The following ZNF423 variants were observed in gnomAD, a reference collection of about 807,000 sequenced individuals.
ZNF423 encodes Ebf-associated zinc finger protein.
A neutral mutation model predicts 95.8 loss-of-function variants in ZNF423; 12 were observed. The observed-to-expected ratio is 0.13, with a 90% CI of 0.08 to 0.20. The LOEUF is 0.20. Ranked by LOEUF, ZNF423 falls within the 10% of genes least tolerant of loss-of-function variation. ZNF423 has a pLI of 1.00. For synonymous variants in ZNF423, 749 were observed against 711.9 expected (o/e 1.05, Z -0.83); for missense variants, 1,316 against 1,737.1 (o/e 0.76, Z 4.31).
chr16:49,839,995 G>A (rs1231443545), intron 1 of ZNF423, among the ~76,000 whole-genome samples: 1 of 152,184 alleles, frequency 6.6e-6, no homozygotes, highest in Non-Finnish European at 1.5e-5. Context: ...CACTCAACTA[G>A]AATAAACCTG....
At chr16:49,556,947 G>C (rs72793522) in intron 5 of ZNF423, among the ~76,000 whole-genome samples, 26,053 of 152,054 alleles carry the variant, frequency 0.17, 2,726 homozygotes, top group East Asian at 0.29. Context: ...TAAAAATATT[G>C]GTGGGAGAAG....
intron 7 of ZNF423, among the ~76,000 whole-genome samples, chr16:49,507,319 A>G (rs1281660759): frequency 6.6e-6 from 1 of 151,490 alleles, no homozygotes; most frequent in Non-Finnish European, 1.5e-5. Flanking sequence ...TTTTTGGTAG[A>G]TACGGGGTCT....
intron 3 of ZNF423, among the ~76,000 whole-genome samples, chr16:49,715,852 G>A (rs1182559350): frequency 6.6e-6 from 1 of 151,722 alleles, no homozygotes; most frequent in African/African-American, 2.4e-5. Flanking sequence ...AACCTGGGCA[G>A]CATAGAGAGA....
chr16:49,541,764 T>G (rs532254016), intron 5 of ZNF423, among the ~76,000 whole-genome samples: 3 of 152,196 alleles, frequency 2.0e-5, no homozygotes, highest in South Asian at 2.1e-4. Context: ...TCTCACGAGA[T>G]CTGATGGTTT....
chr16:49,744,755 A>G (rs1393694498), intron 2 of ZNF423, among the ~76,000 whole-genome samples: 1 of 152,196 alleles, frequency 6.6e-6, no homozygotes, highest in Non-Finnish European at 1.5e-5. Flanking sequence ...GACCCACCCC[A>G]GGGACCTGGC....
chr16:49,497,232 T>TATCC lies in ZNF423; in HGVS notation c.3850-5932_3850-5929dup, dbSNP rs773217573. On this transcript the variant is annotated intron_variant, in intron 7 of 7. Transcript: ENST00000563137. The stretch of plus-strand genomic sequence containing the variant: ...CCATCCATCCGCCCATCTATTCATC[T>TATCC]ATCCATCCATCCATCCATGCATACA... 5.3e-5 allele frequency among the ~76,000 whole-genome samples: 8 copies of TATCC among 151,782 alleles called. No homozygotes were observed. In the East Asian group the frequency reaches 5.8e-4, roughly 11 times the overall value.
intron 7 of ZNF423, among the ~76,000 whole-genome samples, chr16:49,512,571 G>T (rs1383363674): frequency 2.6e-5 from 4 of 152,352 alleles, no homozygotes; most frequent in Non-Finnish European, 5.9e-5. Context: ...ACATTCAGTA[G>T]AATTCAGGCT....
chr16:49,585,496 T>C (rs1190946099), intron 5 of ZNF423, among the ~76,000 whole-genome samples: 2 of 152,224 alleles, frequency 1.3e-5, no homozygotes, highest in African/African-American at 2.4e-5. Flanking sequence ...TTTAGTTGCA[T>C]GCATTTTGAA....
At chr16:49,508,690 G>A (rs567839087) in intron 7 of ZNF423, among the ~76,000 whole-genome samples, 8 of 152,164 alleles carry the variant, frequency 5.3e-5, no homozygotes, top group South Asian at 2.1e-4. Context: ...AGGAGAGACC[G>A]GGTTAGATTG....
In ZNF423 at chr16:49,730,833, C is replaced by G; in HGVS notation, c.239G>C (p.Cys80Ser). Reference sequence around the variant, plus strand: ...TGCCAGAGACTCGAAGTCCTGCTGACAGTGATCGCAGGTGTAAATTGATTC... The same window carrying G: ...TGCCAGAGACTCGAAGTCCTGCTGAGAGTGATCGCAGGTGTAAATTGATTC... ...EDESIYTCDHCQQDFESLADL... is the reference protein window; with the variant it reads ...EDESIYTCDHSQQDFESLADL... Residue 80 changes from cysteine to serine, a missense_variant, in exon 3 of 8, where the codon TGT becomes TCT. Coordinates refer to ENST00000563137, the MANE Select transcript of ZNF423 (RefSeq NM_001379286.1). 1 of 1,614,216 alleles carries G rather than the reference C, an allele frequency of 6.2e-7. No individual in the cohort carries two copies. Among genetic ancestry groups the G allele is most frequent in the Non-Finnish European group, 8.5e-7 (1 of 1,180,038 alleles).
At chr16:49,703,993 C>T (rs76122653) in intron 3 of ZNF423, among the ~76,000 whole-genome samples, 5 of 152,178 alleles carry the variant, frequency 3.3e-5, no homozygotes, top group Admixed American at 6.5e-5. Context: ...AAGTCTACCC[C>T]AGTAGACTCC....
rs552370505 is a variant in ZNF423, at chr16:49,772,081, T to G, written c.100+17406A>C. Among the ~76,000 whole-genome samples the G allele has an allele frequency of 1.2e-3, 187 of 152,314 alleles. 1 individual carries two copies. The highest frequency in any genetic ancestry group is 2.4e-3 in the Non-Finnish European group (166 of 68,022). On this transcript the variant is annotated intron_variant, in intron 2 of 7. Transcript: ENST00000563137. The stretch of plus-strand genomic sequence containing the variant: ...TGGAAACATCCCACCCTGTGTCATC[T>G]GCAAGCTGGAAGCCCAGGAAAGCCG...
At chr16:49,680,122 A>T (rs1005057933) in intron 3 of ZNF423, among the ~76,000 whole-genome samples, 2 of 152,064 alleles carry the variant, frequency 1.3e-5, no homozygotes, top group Non-Finnish European at 1.5e-5. Context: ...AGAACTAGAC[A>T]CTCATGGGGA....
At chr16:49,558,941 C>A (rs1969929868) in intron 5 of ZNF423, among the ~76,000 whole-genome samples, 1 of 152,218 alleles carries the variant, frequency 6.6e-6, no homozygotes, top group Admixed American at 6.5e-5. Flanking sequence ...CAGAACCACT[C>A]AGTAAGGGGG....
chr16:49,560,101 A>G (rs890458590), intron 5 of ZNF423, among the ~76,000 whole-genome samples: 2 of 152,142 alleles, frequency 1.3e-5, no homozygotes, highest in East Asian at 3.9e-4. Context: ...GCTATCTCAC[A>G]AGCAGCAGGT....
intron 5 of ZNF423, among the ~76,000 whole-genome samples, chr16:49,586,988 T>C (rs376867493): frequency 6.6e-6 from 1 of 151,960 alleles, no homozygotes; most frequent in Non-Finnish European, 1.5e-5. Context: ...CAATGTCTCG[T>C]TGGTTTTGAT....
At chr16:49,832,196 C>T (rs1567364036) in intron 1 of ZNF423, among the ~76,000 whole-genome samples, 2 of 152,190 alleles carry the variant, frequency 1.3e-5, no homozygotes, top group African/African-American at 4.8e-5. Context: ...AAACCATTCC[C>T]TTAATGGACA....
At chr16:49,569,728 C>T (rs558636610) in intron 5 of ZNF423, among the ~76,000 whole-genome samples, 2 of 151,908 alleles carry the variant, frequency 1.3e-5, no homozygotes, top group South Asian at 4.2e-4. Flanking sequence ...GTGGAGTGCC[C>T]GTGGAAAAAA....
At chr16:49,666,793 TTCTC>T (rs1291611664) in intron 3 of ZNF423, among the ~76,000 whole-genome samples, 1 of 152,254 alleles carries the variant, frequency 6.6e-6, no homozygotes, top group Admixed American at 6.5e-5. Flanking sequence ...CTGGAGTAGT[TTCTC>T]TACGCAACTT....
Sources: gnomAD v4.1 joint callset for allele counts (sites outside exome capture counted in the v4.1 genomes callset) on GRCh38, gnomAD v4.1.1 for gene constraint, MANE v1.5 for transcripts, NCBI Gene and HGNC (gene_info 2026-07-23, HGNC 2026-07-21) for gene names.